The following FXR1 variants were observed in gnomAD, a reference collection of about 807,000 sequenced individuals.
The protein encoded by FXR1 is RNA-binding protein FXR1.
FXR1 carries 15 observed loss-of-function variants against 84.0 expected under a neutral mutation model. The observed-to-expected ratio is 0.18, with a 90% CI of 0.12 to 0.27. The LOEUF (loss-of-function observed/expected upper bound fraction) is 0.27, where lower values mean the gene tolerates loss of function less well. FXR1 is among the 10% of genes least tolerant of loss of function. The probability of loss-of-function intolerance (pLI) is 1.00; values close to 1 mark genes in which losing one functional copy is unlikely to be tolerated. For missense variants in FXR1, 480 were observed against 774.4 expected (o/e 0.62, Z 4.51); for synonymous variants, 245 against 250.7 (o/e 0.98, Z 0.21).
At chr3:180,969,204 G>C (rs1267330006) in intron 14 of FXR1, among the ~76,000 whole-genome samples, 2 of 152,150 alleles carry the variant, frequency 1.3e-5, no homozygotes, top group Non-Finnish European at 2.9e-5. Flanking sequence ...CAGGCTTTCA[G>C]GGTAATAGTT....
At chr3:180,937,786 C>T (rs966838332) in intron 3 of FXR1, among the ~76,000 whole-genome samples, 20 of 151,828 alleles carry the variant, frequency 1.3e-4, no homozygotes, top group Non-Finnish European at 5.9e-5. Flanking sequence ...AGCCTCTTCC[C>T]CTTCTTTAAA....
chr3:180,913,308 A>G (rs1361547924), intron 1 of FXR1, among the ~76,000 whole-genome samples: 2 of 152,250 alleles, frequency 1.3e-5, no homozygotes, highest in Non-Finnish European at 2.9e-5. Context: ...GATCAAATAC[A>G]GAAAAGCAGA....
rs1238192227 is a variant in FXR1, at chr3:180,976,585, G to A, written c.*293G>A. On this transcript the variant is annotated 3_prime_UTR_variant, in exon 17 of 17. Coordinates refer to ENST00000357559, the MANE Select transcript of FXR1 (RefSeq NM_005087.4). ...TTTGTTTTCAAAATATGGCAGAGAT[G>A]GGGGGTGGTGGGTGGGGTGGGATCC... 1.1e-5 allele frequency: 2 copies of A among 177,582 alleles called. No individual in the cohort carries two copies. The highest frequency in any genetic ancestry group is 2.4e-5 in the African/African-American group (1 of 42,492). 11.0% of individuals were successfully genotyped at this position (177,582 alleles called of 1,614,324 possible).
At chr3:180,914,636 T>C (rs974091152) in intron 1 of FXR1, 6 of 318,192 alleles carry the variant, frequency 1.9e-5, no homozygotes, top group Middle Eastern at 1.5e-3. Flanking sequence ...TTTCTCACGG[T>C]ATTTTTTTTT....
rs1187725642 is a variant in FXR1, at chr3:180,963,028, G to C, written c.1136G>C (p.Gly379Ala). ...GAAAGTACCGTCTCTTCTGTACAAG[G>C]TTCTAGGTCTTATAGCGGAAGAGGC... is the stretch of plus-strand genomic sequence containing the variant. ...LQIDEQLRQI[G>A]SRSYSGRGRG... Residue 379 changes from glycine to alanine, a missense_variant and splice_region_variant, in exon 13 of 17, where the codon GGT (glycine) becomes GCT (alanine). This residue lies in a region of FXR1 where 6 missense variants were observed against 32.8 expected (regional missense o/e 0.18). Coordinates refer to ENST00000357559, the MANE Select transcript of FXR1 (RefSeq NM_005087.4). 3 of 1,608,590 alleles carry C rather than the reference G, an allele frequency of 1.9e-6. No homozygotes were observed. The African/African-American group carries it at 4.0e-5, about 22-fold the overall frequency.
intron 15 of FXR1, among the ~76,000 whole-genome samples, chr3:180,974,493 C>G (rs966276027): frequency 6.6e-6 from 1 of 152,140 alleles, no homozygotes; most frequent in African/African-American, 2.4e-5. Context: ...GTGAGTCAGT[C>G]CACATACTGT....
At chr3:180,944,761 T>G (rs1434821319) in intron 3 of FXR1, among the ~76,000 whole-genome samples, 2 of 152,178 alleles carry the variant, frequency 1.3e-5, no homozygotes, top group African/African-American at 2.4e-5. Flanking sequence ...TAGCTGAGAT[T>G]ACAGGCACAT....
chr3:180,941,839 C>G (rs990071925), intron 3 of FXR1, among the ~76,000 whole-genome samples: 1 of 152,060 alleles, frequency 6.6e-6, no homozygotes, highest in African/African-American at 2.4e-5. Flanking sequence ...CATGTTCATT[C>G]CAGATGTTAA....
chr3:180,915,992 C>T (rs908823757), intron 1 of FXR1, among the ~76,000 whole-genome samples: 1 of 152,090 alleles, frequency 6.6e-6, no homozygotes, highest in Non-Finnish European at 1.5e-5. Context: ...TATAAATCTG[C>T]GGGGATGAGA....
At chr3:180,963,407 T>G (rs1712394298) in intron 13 of FXR1, among the ~76,000 whole-genome samples, 1 of 152,164 alleles carries the variant, frequency 6.6e-6, no homozygotes, top group Non-Finnish European at 1.5e-5. Context: ...CTAGTACAGT[T>G]TTATACATTT....
At chr3:180,940,580 G>GTTTTTTTTTTTTT (rs746815811) in intron 3 of FXR1, among the ~76,000 whole-genome samples, 1 of 146,110 alleles carries the variant, frequency 6.8e-6, no homozygotes, top group African/African-American at 2.7e-5. Context: ...GTTTTTTTCT[G>GTTTTTTTTTTTTT]TTTTCTTTTT....
At chr3:180,944,116 A>T (rs1318715309) in intron 3 of FXR1, among the ~76,000 whole-genome samples, 1 of 151,414 alleles carries the variant, frequency 6.6e-6, no homozygotes, top group Non-Finnish European at 1.5e-5. Flanking sequence ...GGGTTTCTCC[A>T]TGTTGAGGCT....
rs1302428946 is a variant in FXR1 at position 180,976,212 on chromosome 3, C to T, written c.1786C>T (p.Arg596Cys). ...TGGCGATGACATTTCTAAGCTACAGCGTACTCCAGGAGAAGAAAAGATTAA... is the reference window on the plus strand; with the variant it reads ...TGGCGATGACATTTCTAAGCTACAGTGTACTCCAGGAGAAGAAAAGATTAA... The part of the protein sequence containing the change: ...ASGDDISKLQ[R>C]TPGEEKINTL... The change falls in exon 17 of 17, where the codon CGT becomes TGT. Residue 596 changes from arginine to cysteine, a missense_variant. Arg to Cys is a radical substitution (Grantham distance 180). Transcript: ENST00000357559. The T allele has an allele frequency of 2.5e-6, 4 of 1,610,722 alleles. No homozygotes were observed. The highest frequency in any genetic ancestry group is 1.7e-5 in the Admixed American group (1 of 59,958).
chr3:180,947,537 A>G (rs1043092935), intron 3 of FXR1, among the ~76,000 whole-genome samples: 12 of 152,226 alleles, frequency 7.9e-5, no homozygotes, highest in African/African-American at 1.4e-4. Flanking sequence ...AATATTAACA[A>G]TGTTGACAGA....
At chr3:180,970,416 ATATAT>A (rs1713412633) in intron 15 of FXR1, 58 bp downstream of exon 15, 3 of 287,366 alleles carry the variant, frequency 1.0e-5, no homozygotes, top group Non-Finnish European at 1.9e-5. Context: ...ATATATATAT[ATATAT>A]AATTGTAAAC....
At chr3:180,940,159 A>G (rs1261433932) in intron 3 of FXR1, among the ~76,000 whole-genome samples, 2 of 152,256 alleles carry the variant, frequency 1.3e-5, no homozygotes, top group African/African-American at 4.8e-5. Flanking sequence ...AAGGTCTAAA[A>G]TGGAAATATT....
intron 3 of FXR1, among the ~76,000 whole-genome samples, chr3:180,936,243 ATTTAG>A (rs1174486215): frequency 1.3e-5 from 2 of 151,820 alleles, no homozygotes; most frequent in African/African-American, 4.8e-5. Context: ...TTTGCAAATG[ATTTAG>A]TTATCTGCCA....
intron 1 of FXR1, chr3:180,915,022 A>G: frequency 1.7e-6 from 1 of 602,904 alleles, no homozygotes; most frequent in Non-Finnish European, 2.1e-6. Context: ...ACCATTATCT[A>G]ACAATGGACC....
At chr3:180,924,553 A>G (rs929889999) in intron 1 of FXR1, among the ~76,000 whole-genome samples, 3 of 152,218 alleles carry the variant, frequency 2.0e-5, no homozygotes, top group Non-Finnish European at 4.4e-5. Flanking sequence ...AGGTGTCAGT[A>G]AACTATGGGT....
Sources: allele counts gnomAD v4.1 joint callset (sites outside exome capture counted in the v4.1 genomes callset), GRCh38; gene constraint gnomAD v4.1.1; regional missense constraint gnomAD v4.1.1; transcripts MANE v1.5; gene names NCBI Gene and HGNC (gene_info 2026-07-23, HGNC 2026-07-21).